The following KCNJ15 variants were observed in gnomAD, a reference collection of about 807,000 sequenced individuals.
KCNJ15 encodes the protein ATP-sensitive inward rectifier potassium channel 15.
Under a neutral mutation model 23.0 loss-of-function variants are expected in KCNJ15, and 14 were observed. The ratio of observed to expected loss-of-function variants is 0.61; its 90% CI spans 0.40 to 0.95. The LOEUF (loss-of-function observed/expected upper bound fraction) is 0.95, where lower values mean the gene tolerates loss of function less well. Ranked by LOEUF, KCNJ15 falls within the 40% of genes least tolerant of loss-of-function variation. The pLI is 0.00. For missense variants in KCNJ15, 388 were observed against 461.8 expected (o/e 0.84, Z 1.46); for synonymous variants, 185 against 183.2 (o/e 1.01, Z -0.08).
chr21:38,277,364 C>T (rs960040115), intron 1 of KCNJ15, among the ~76,000 whole-genome samples: 4 of 152,036 alleles, frequency 2.6e-5, no homozygotes, highest in South Asian at 4.2e-4. Context: ...AAGTAGGACC[C>T]GCAGTAATTT....
At chr21:38,236,161 G>A (rs1483102274) in intron 1 of KCNJ15, among the ~76,000 whole-genome samples, 5 of 152,238 alleles carry the variant, frequency 3.3e-5, no homozygotes, top group Non-Finnish European at 4.4e-5. Context: ...TGCCAGGTCA[G>A]GATGAGAAAT....
rs1979482139 is a variant in KCNJ15 at position 38,247,340 on chromosome 21, AGATG to A, written c.-398-9705_-398-9702del. 2.5e-5 allele frequency among the ~76,000 whole-genome samples: 3 copies of A among 119,068 alleles called. No individual in the cohort carries two copies. The South Asian group carries it at 9.6e-4, about 38-fold the overall frequency. The allele number at this position is 119,068 out of a possible 152,430, so 78.1% of individuals were successfully genotyped here. On this transcript the variant is annotated intron_variant, in intron 1 of 4. Coordinates refer to the KCNJ15 transcript ENST00000547341. The stretch of plus-strand genomic sequence containing the variant: ...TCGATGGGTAAATGGATGGATGGAT[AGATG>A]CATAGGTGGATGGATGGATGGATGG...
Position 38,300,159 on chromosome 21 carries a change from T to G in KCNJ15, c.898T>G (p.Tyr300Asp). Residue 300 changes from tyrosine (Y) to aspartate (D), a missense_variant, in exon 3 of 3, where the codon TAT becomes GAT. Tyr to Asp is a radical substitution (Grantham distance 160, BLOSUM62 -3). Coordinates refer to ENST00000398938, the MANE Select transcript of KCNJ15 (RefSeq NM_170736.3). ...TSAVCQSRTS[Y>D]IPEEIYWGFE... ...CGCTGTCTGCCAGAGCCGAACATCT[T>G]ATATCCCAGAGGAAATCTACTGGGG... is the stretch of plus-strand genomic sequence containing the variant. The G allele has an allele frequency of 6.2e-7, 1 of 1,614,174 alleles. No individual in the cohort carries two copies. The highest frequency in any genetic ancestry group is 8.5e-7 in the Non-Finnish European group (1 of 1,180,032).
At chr21:38,271,035 T>C (rs576945411) in intron 1 of KCNJ15, among the ~76,000 whole-genome samples, 10 of 152,380 alleles carry the variant, frequency 6.6e-5, no homozygotes, top group African/African-American at 1.7e-4. Flanking sequence ...CATCTGGACA[T>C]TGGGGAGCCC....
chr21:38,299,400 TA>T lies in KCNJ15; in HGVS notation c.140del (p.Tyr47SerfsTer15). Reference sequence around the variant, plus strand: ...GAGAATTGACAAAGTGGATGGCATATACCTACTCTACCTGCAAGACCTGTGG... The same window carrying T: ...GAGAATTGACAAAGTGGATGGCATATCCTACTCTACCTGCAAGACCTGTGG... ...NVRIDKVDGI[Y>X]LLYLQDLWTT... On this transcript the variant is annotated frameshift_variant, in exon 3 of 3. Transcript: ENST00000398938. LOFTEE classifies it high-confidence loss of function. The surrounding 1 kb of genome is among the most constrained non-coding windows in gnomAD (Gnocchi z 4.5). 6.2e-7 allele frequency: 1 copy of T among 1,614,202 alleles called. No individual in the cohort carries two copies.
chr21:38,237,783 C>T (rs1232964581), intron 1 of KCNJ15, among the ~76,000 whole-genome samples: 1 of 152,162 alleles, frequency 6.6e-6, no homozygotes, highest in Non-Finnish European at 1.5e-5. Flanking sequence ...TTTTCCAAAG[C>T]TTGAAGGAGC....
rs559578151 is a variant in KCNJ15, at chr21:38,275,767, C to A, written c.-117+18582C>A. 7.2e-5 allele frequency among the ~76,000 whole-genome samples: 11 copies of A among 152,290 alleles called. No homozygotes were observed. The East Asian group carries it at 2.1e-3, about 29-fold the overall frequency. On this transcript the variant is annotated intron_variant, in intron 1 of 2. Coordinates refer to ENST00000398938, the MANE Select transcript of KCNJ15 (RefSeq NM_170736.3). ...TAATTGATAAACCCTATGGCCCAAT[C>A]AATTGGGAGTACTTGAAACATACTT...
upstream of KCNJ15, among the ~76,000 whole-genome samples, chr21:38,255,255 C>G (rs1400280424): frequency 6.6e-6 from 1 of 152,232 alleles, no homozygotes; most frequent in Non-Finnish European, 1.5e-5. Flanking sequence ...CAGAGGGGAC[C>G]ATTCCAGGCC....
intron 1 of KCNJ15, among the ~76,000 whole-genome samples, chr21:38,275,248 A>G (rs559318035): frequency 6.6e-6 from 1 of 152,082 alleles, no homozygotes; most frequent in Middle Eastern, 3.2e-3. Flanking sequence ...CTCCCTCTCC[A>G]TCTGTCTTGC....
Position 38,230,309 on chromosome 21 carries a change from G to A in KCNJ15, c.-398-26737G>A, listed in dbSNP as rs182243901. Among the ~76,000 whole-genome samples, 18 of 152,044 alleles carry A rather than the reference G, an allele frequency of 1.2e-4. No individual in the cohort carries two copies. In the East Asian group the frequency reaches 3.5e-3, roughly 29 times the overall value. ...TTGAACATCTTTTCATGTTTTTATT[G>A]ACAAGTTGTTTCTCTTCTTTGGGTA... On this transcript the variant is annotated intron_variant, in intron 1 of 4. Coordinates refer to the KCNJ15 transcript ENST00000547341.
chr21:38,276,102 T>C (rs1213412782), intron 1 of KCNJ15, among the ~76,000 whole-genome samples: 3 of 151,902 alleles, frequency 2.0e-5, no homozygotes, highest in Non-Finnish European at 4.4e-5. Flanking sequence ...GATAGAAGTG[T>C]CCATGGGATA....
At chr21:38,263,570 G>A (rs1195388153) in intron 1 of KCNJ15, among the ~76,000 whole-genome samples, 15 of 152,136 alleles carry the variant, frequency 9.9e-5, no homozygotes, top group Admixed American at 7.2e-4. Context: ...ATTTTGGACC[G>A]CAGAACTGTC....
intron 1 of KCNJ15, among the ~76,000 whole-genome samples, chr21:38,282,326 T>C (rs1342168066): frequency 6.6e-6 from 1 of 152,158 alleles, no homozygotes; most frequent in Non-Finnish European, 1.5e-5. Context: ...CTTAGAACTC[T>C]TTGTCTATGA....
intron 1 of KCNJ15, among the ~76,000 whole-genome samples, chr21:38,285,066 A>G (rs1370447583): frequency 2.6e-5 from 4 of 152,198 alleles, no homozygotes; most frequent in African/African-American, 9.6e-5. Context: ...TTGCCACACA[A>G]ACCAATAAAT....
In KCNJ15 at chr21:38,247,016, A is replaced by G. The variant is rs985524974; in HGVS notation, c.-398-10030A>G. ...TGGATGGATGGATGGATGCATAGGT[A>G]GATGGATGGATGCATAAGTGGATGG... On this transcript the variant is annotated intron_variant, in intron 1 of 4. Coordinates refer to the KCNJ15 transcript ENST00000547341. 3.7e-4 allele frequency among the ~76,000 whole-genome samples: 56 copies of G among 150,866 alleles called. 1 individual carries two copies. Among genetic ancestry groups the G allele is most frequent in the African/African-American group, 1.3e-3 (53 of 41,032 alleles).
At chr21:38,288,304 G>A (rs896412042) in intron 1 of KCNJ15, among the ~76,000 whole-genome samples, 3 of 151,946 alleles carry the variant, frequency 2.0e-5, no homozygotes, top group African/African-American at 4.8e-5. Flanking sequence ...GCGTCCCAAA[G>A]TGCTGGGATT....
chr21:38,234,913 G>A (rs1366821898), intron 1 of KCNJ15, among the ~76,000 whole-genome samples: 1 of 152,214 alleles, frequency 6.6e-6, no homozygotes, highest in East Asian at 1.9e-4. Context: ...TGACTCATGA[G>A]TAAGCCATTC....
At chr21:38,259,634 G>A (rs375993792) in intron 1 of KCNJ15, among the ~76,000 whole-genome samples, 12 of 152,282 alleles carry the variant, frequency 7.9e-5, no homozygotes, top group South Asian at 6.2e-4. Context: ...AATACAAGAG[G>A]CAAGTCAGAC....
intron 1 of KCNJ15, among the ~76,000 whole-genome samples, chr21:38,266,905 C>A (rs1264385888): frequency 6.6e-6 from 1 of 152,188 alleles, no homozygotes; most frequent in Non-Finnish European, 1.5e-5. Context: ...GCCTCTGCTG[C>A]AGGAGGTGGG....
Sources: gnomAD v4.1 joint callset for allele counts (sites outside exome capture counted in the v4.1 genomes callset) on GRCh38, gnomAD v4.1.1 for gene constraint, Gnocchi (gnomAD v3.1) non-coding constraint, MANE v1.5 for transcripts, NCBI Gene and HGNC (gene_info 2026-07-23, HGNC 2026-07-21) for gene names.